ABCA12: variants seen among roughly 807,000 people sequenced by gnomAD.
ABCA12 encodes the protein glucosylceramide transporter ABCA12.
Under a neutral mutation model 293.5 loss-of-function variants are expected in ABCA12, and 156 were observed. The observed-to-expected ratio is 0.53, with a 90% CI of 0.47 to 0.61. The LOEUF is 0.61. Among genes scored for constraint, ABCA12 ranks in the 20% least tolerant of loss-of-function variants. The pLI, the probability that ABCA12 is intolerant of heterozygous loss-of-function variation, is 0.00. For synonymous variants in ABCA12, 1,063 were observed against 1,108.0 expected (o/e 0.96, Z 0.81); for missense variants, 2,797 against 3,090.2 (o/e 0.91, Z 2.25).
chr2:215,049,635 C>A lies in ABCA12; in HGVS notation c.684G>T (p.Gln228His). 1.2e-6 allele frequency: 2 copies of A among 1,613,228 alleles called. No individual in the cohort carries two copies. The highest frequency in any genetic ancestry group is 1.7e-4 in the Middle Eastern group (1 of 6,052). ...LESSLQELNK[Q>H]FSQLSSDPNN... ...AAAGATCTACACTCACCTGGGAGAA[C>A]TGTTTGTTTAGTTCTTGGAGAGAAG... Residue 228 changes from glutamine to histidine, a missense_variant, in exon 6 of 53, where the codon CAG becomes CAT. Around this residue, in one of 3 missense-constraint regions of ABCA12, gnomAD observed 656 missense variants for 638.2 expected, o/e 1.03. Transcript: ENST00000272895.
chr2:214,980,693 T>A lies in ABCA12; in HGVS notation c.4580-50A>T, dbSNP rs757952153. 5.8e-5 allele frequency: 93 copies of A among 1,610,160 alleles called. 3 individuals carry two copies. The South Asian group carries it at 9.6e-4, about 17-fold the overall frequency. Reference sequence around the variant, plus strand: ...AGGGAATGAAACGTGAAAGTACAGTTCCCAAGACACACAGAGTTGGCCAGA... The same window carrying A: ...AGGGAATGAAACGTGAAAGTACAGTACCCAAGACACACAGAGTTGGCCAGA... On this transcript the variant is annotated intron_variant, in intron 30 of 52. Coordinates refer to ENST00000272895, the MANE Select transcript of ABCA12 (RefSeq NM_173076.3).
chr2:215,019,516 G>T (rs772095804), intron 12 of ABCA12, 24 bp downstream of exon 12: 1 of 1,614,092 alleles, frequency 6.2e-7, no homozygotes, highest in East Asian at 2.2e-5. Context: ...TTTCACCAAG[G>T]AAGAAGACAA....
At chr2:214,932,887 T>C in intron 52 of ABCA12, 146 bp from the exon 53 acceptor site, 1 of 679,752 alleles carries the variant, frequency 1.5e-6, no homozygotes, top group Non-Finnish European at 2.6e-6. Context: ...ATCCAAATCC[T>C]AGTTTTATAC....
At position 215,008,211 on chromosome 2, in the gene ABCA12, C is replaced by T. The variant is rs948613533; in HGVS notation, c.2473-365G>A. ...CGAGGATAGCAGAAGGATATTCTCA[C>T]GTATTGCTGCTGAGAATAGATGTTA... On this transcript the variant is annotated intron_variant, in intron 18 of 52. Transcript: ENST00000272895. Among the ~76,000 whole-genome samples, 10 of 152,210 alleles carry T rather than the reference C, an allele frequency of 6.6e-5. No homozygotes were observed. The East Asian group carries it at 1.2e-3, about 18-fold the overall frequency.
At chr2:215,093,827 A>G (rs1702197660) in intron 2 of ABCA12, among the ~76,000 whole-genome samples, 1 of 152,012 alleles carries the variant, frequency 6.6e-6, no homozygotes, top group Non-Finnish European at 1.5e-5. Context: ...GGCCTCCCAC[A>G]TTATTCCTGA....
chr2:215,082,079 CTG>C (rs1459980986), intron 2 of ABCA12, among the ~76,000 whole-genome samples: 3 of 122,954 alleles, frequency 2.4e-5, no homozygotes, highest in Non-Finnish European at 4.8e-5. Flanking sequence ...GAGTCTTGCT[CTG>C]TTGGCCAGGC....
rs778840406 is a variant in ABCA12, at chr2:214,990,830, T to C, written c.3496A>G (p.Ser1166Gly). 6.2e-7 allele frequency: 1 copy of C among 1,614,068 alleles called. No individual in the cohort carries two copies. Among genetic ancestry groups the C allele is most frequent in the Non-Finnish European group, 8.5e-7 (1 of 1,179,974 alleles). Reference protein sequence around the residue: ...FSVIAMSYLISVFFNNTNIAA... With the variant: ...FSVIAMSYLIGVFFNNTNIAA... ...ATGTTGGTGTTGTTGAAGAAGACAC[T>C]GATAAGATAGCTCATGGCAATAACC... Residue 1166 changes from serine to glycine, a missense_variant, in exon 24 of 53, where the codon AGT becomes GGT. Physicochemically the swap from Ser to Gly is moderately conservative, Grantham distance 56 (BLOSUM62 0). This residue lies in a region of ABCA12 where 2,130 missense variants were observed against 2,427.0 expected (regional missense o/e 0.88). Coordinates refer to ENST00000272895, the MANE Select transcript of ABCA12 (RefSeq NM_173076.3).
intron 3 of ABCA12, among the ~76,000 whole-genome samples, chr2:215,055,415 G>T (rs1701401590): frequency 6.6e-6 from 1 of 151,968 alleles, no homozygotes; most frequent in South Asian, 2.1e-4. Context: ...AAATGGAGAT[G>T]ATCACATTTT....
intron 2 of ABCA12, among the ~76,000 whole-genome samples, chr2:215,079,565 TC>T (rs970575998): frequency 6.6e-6 from 1 of 152,204 alleles, no homozygotes; most frequent in African/African-American, 2.4e-5. Context: ...AACAGTTAAT[TC>T]AGGGCAAATG....
chr2:215,107,969 C>T (rs1342898774), intron 2 of ABCA12, among the ~76,000 whole-genome samples: 3 of 152,080 alleles, frequency 2.0e-5, no homozygotes, highest in Non-Finnish European at 4.4e-5. Context: ...TGACTTTTCC[C>T]GTGGTATGTT....
At chr2:215,014,026 CA>C (rs1275533685) in intron 15 of ABCA12, among the ~76,000 whole-genome samples, 3 of 151,914 alleles carry the variant, frequency 2.0e-5, no homozygotes, top group Non-Finnish European at 4.4e-5. Flanking sequence ...ATTAAAAATA[CA>C]AAAATTAGCC....
At chr2:215,009,292 G>A in intron 18 of ABCA12, among the ~76,000 whole-genome samples, 1 of 152,010 alleles carries the variant, frequency 6.6e-6, no homozygotes, top group East Asian at 1.9e-4. Flanking sequence ...CATGGACATA[G>A]AGAGGGGAAC....
chr2:215,050,732 T>C (rs1194357666), intron 5 of ABCA12: 1 of 889,736 alleles, frequency 1.1e-6, no homozygotes, highest in Admixed American at 6.2e-5. Context: ...GGATGTACTA[T>C]AAGTGTTAGG....
At chr2:215,034,616 G>A (rs1194726419) in intron 8 of ABCA12, among the ~76,000 whole-genome samples, 1 of 152,136 alleles carries the variant, frequency 6.6e-6, no homozygotes, top group East Asian at 1.9e-4. Context: ...GTTCATAAAA[G>A]AGCTCCTGGG....
chr2:215,106,657 C>T (rs908254035), intron 2 of ABCA12, among the ~76,000 whole-genome samples: 3 of 151,092 alleles, frequency 2.0e-5, no homozygotes, highest in African/African-American at 7.3e-5. Context: ...GTACTTAGCA[C>T]AGTGTCTGAC....
intron 20 of ABCA12, among the ~76,000 whole-genome samples, 177 bp downstream of exon 20, chr2:215,004,032 T>C (rs992866890): frequency 7.2e-5 from 11 of 152,178 alleles, no homozygotes; most frequent in African/African-American, 2.7e-4. Flanking sequence ...CTACTTGTAA[T>C]TGTACAACTA....
chr2:215,105,525 T>C (rs1702445987), intron 2 of ABCA12, among the ~76,000 whole-genome samples: 1 of 151,718 alleles, frequency 6.6e-6, no homozygotes, highest in South Asian at 2.1e-4. Context: ...AATAGTATTC[T>C]AGGGAGATTA....
chr2:215,092,483 T>C (rs1027851421), intron 2 of ABCA12, among the ~76,000 whole-genome samples: 1 of 152,068 alleles, frequency 6.6e-6, no homozygotes, highest in African/African-American at 2.4e-5. Flanking sequence ...CCCACAAGTA[T>C]TGGACACCTC....
rs995016465 is a variant in ABCA12, at chr2:215,114,561, C to CT, written c.70-2872dup. ...CCAAGATACATAGGAGGCCAGGATT[C>CT]TTTTTTTTATAATTATTGTGCTGTT... On this transcript the variant is annotated intron_variant, in intron 1 of 52. Transcript: ENST00000272895. Among the ~76,000 whole-genome samples, 6 of 152,000 alleles carry CT rather than the reference C, an allele frequency of 3.9e-5. 1 individual carries two copies. The highest frequency in any genetic ancestry group is 1.2e-4 in the African/African-American group (5 of 41,478).
Sources: allele counts gnomAD v4.1 joint callset (sites outside exome capture counted in the v4.1 genomes callset), GRCh38; gene constraint gnomAD v4.1.1; regional missense constraint gnomAD v4.1.1; transcripts MANE v1.5; gene names NCBI Gene and HGNC (gene_info 2026-07-23, HGNC 2026-07-21).